KLF8: variants seen among roughly 807,000 people sequenced by gnomAD.
The protein encoded by KLF8 is KLF transcription factor 8.
A neutral mutation model predicts 18.2 loss-of-function variants in KLF8; 10 were observed. The ratio of observed to expected loss-of-function variants is 0.55; its 90% CI spans 0.34 to 0.93. The LOEUF (loss-of-function observed/expected upper bound fraction) is 0.93, where lower values mean the gene tolerates loss of function less well. Among genes scored for constraint, KLF8 ranks in the 40% least tolerant of loss-of-function variants. The probability of loss-of-function intolerance (pLI) is 0.02; values close to 1 mark genes in which losing one functional copy is unlikely to be tolerated. For synonymous variants in KLF8, 109 were observed against 97.3 expected (o/e 1.12, Z -0.71); for missense variants, 264 against 277.9 (o/e 0.95, Z 0.36).
chrX:56,157,495 C>T, the KLF8 span, among the ~76,000 whole-genome samples: 6 of 111,142 alleles, frequency 5.4e-5, no homozygotes, highest in Admixed American at 4.8e-4. Flanking sequence ...AACTAGTTTA[C>T]AGTCCCACCA....
the KLF8 span, among the ~76,000 whole-genome samples, chrX:56,216,513 G>GATTTATTTATTT: frequency 1.5e-3 from 136 of 91,090 alleles, 2 homozygotes; most frequent in Non-Finnish European, 1.8e-3. Flanking sequence ...TCTGGCTGCT[G>GATTTATTTATTT]ATTTATTTAT....
At chrX:56,053,955 C>G in the KLF8 span, among the ~76,000 whole-genome samples, 11 of 110,550 alleles carry the variant, frequency 1.0e-4, no homozygotes, top group Non-Finnish European at 2.1e-4. Context: ...AAAAAACCAA[C>G]TCCTTGAGTT....
the KLF8 span, among the ~76,000 whole-genome samples, chrX:56,171,017 G>T: frequency 7.4e-4 from 83 of 111,899 alleles, no homozygotes; most frequent in African/African-American, 2.6e-3. Flanking sequence ...AAGGACAAGA[G>T]AGTTCATTCT....
At chrX:56,180,951 G>A in the KLF8 span, among the ~76,000 whole-genome samples, 4 of 111,668 alleles carry the variant, frequency 3.6e-5, no homozygotes, top group Admixed American at 9.5e-5. Context: ...GATTTGGGGT[G>A]GAGAGTTCTG....
chrX:56,137,619 G>T, the KLF8 span, among the ~76,000 whole-genome samples: 1 of 74,395 alleles, frequency 1.3e-5, no homozygotes, highest in Admixed American at 1.8e-4. Context: ...GGGGGAGGGG[G>T]GAGGGATAGC....
the KLF8 span, among the ~76,000 whole-genome samples, chrX:56,050,321 T>C: frequency 9.0e-6 from 1 of 111,565 alleles, no homozygotes. Flanking sequence ...TTTTGAATGT[T>C]TTTGCTCTTG....
the KLF8 span, among the ~76,000 whole-genome samples, chrX:56,032,558 A>C: frequency 8.9e-6 from 1 of 111,826 alleles, no homozygotes; most frequent in Non-Finnish European, 1.9e-5. Flanking sequence ...GTTCATTATA[A>C]ACTGTTATAT....
At chrX:55,948,054 G>A in the KLF8 span, among the ~76,000 whole-genome samples, 4 of 112,067 alleles carry the variant, frequency 3.6e-5, no homozygotes, top group African/African-American at 9.7e-5. Flanking sequence ...GGTGCTGGAA[G>A]TTGGGAAGTA....
the KLF8 span, among the ~76,000 whole-genome samples, chrX:56,087,506 G>A: frequency 9.1e-6 from 1 of 110,443 alleles, no homozygotes; most frequent in Non-Finnish European, 1.9e-5. Context: ...ATGATTGTAT[G>A]TTTTCTGAGG....
the KLF8 span, among the ~76,000 whole-genome samples, chrX:56,167,459 A>G: frequency 8.9e-6 from 1 of 112,010 alleles, no homozygotes; most frequent in African/African-American, 3.2e-5. Context: ...GCTCTTCTCC[A>G]GTACGCTCTA....
chrX:56,081,853 A>T, the KLF8 span, among the ~76,000 whole-genome samples: 58,983 of 110,766 alleles, frequency 0.53, 13,780 homozygotes, highest in East Asian at 0.75. Context: ...TGTTGAATTC[A>T]ATTTACTAGT....
chrX:56,213,503 A>T, the KLF8 span, among the ~76,000 whole-genome samples: 1 of 106,719 alleles, frequency 9.4e-6, no homozygotes, highest in Admixed American at 1.0e-4. Flanking sequence ...TTGTATATTT[A>T]GTAGAGACAG....
chrX:56,136,885 A>G, the KLF8 span, among the ~76,000 whole-genome samples: 1 of 111,281 alleles, frequency 9.0e-6, no homozygotes, highest in African/African-American at 3.3e-5. Flanking sequence ...CAGAATTTAC[A>G]ATGAACTCAA....
the KLF8 span, among the ~76,000 whole-genome samples, chrX:56,030,104 C>T: frequency 1.8e-5 from 2 of 112,415 alleles, no homozygotes; most frequent in Admixed American, 1.9e-4. Context: ...CTCACACAGT[C>T]TTTCATAGAA....
intron 1 of KLF8, among the ~76,000 whole-genome samples, chrX:56,240,309 A>G (rs1701701188): frequency 8.9e-6 from 1 of 111,941 alleles, no homozygotes; most frequent in African/African-American, 3.2e-5. Flanking sequence ...TGAGTAGAAA[A>G]GTTATTCAAG....
At chrX:56,140,945 T>C in the KLF8 span, among the ~76,000 whole-genome samples, 1 of 111,240 alleles carries the variant, frequency 9.0e-6, no homozygotes, top group Non-Finnish European at 1.9e-5. Flanking sequence ...TAAAAACATC[T>C]CATTATTGTT....
In KLF8 at chrX:56,252,626, T is replaced by C. The variant is rs185404187; in HGVS notation, c.81+2322T>C. 3.6e-5 allele frequency among the ~76,000 whole-genome samples: 4 copies of C among 112,419 alleles called. No individual in the cohort carries two copies. The East Asian group carries it at 8.4e-4, about 24-fold the overall frequency. The stretch of plus-strand genomic sequence containing the variant: ...TTTTCTTTATCCATTCATCTGTTGA[T>C]GAATACTTAGGTTGCTTCCAAATCT... On this transcript the variant is annotated intron_variant, in intron 2 of 5. Coordinates refer to ENST00000468660, the MANE Select transcript of KLF8 (RefSeq NM_007250.5).
At chrX:55,993,986 C>G in the KLF8 span, among the ~76,000 whole-genome samples, 1 of 105,964 alleles carries the variant, frequency 9.4e-6, no homozygotes, top group African/African-American at 3.5e-5. Flanking sequence ...TCTCAGCTCA[C>G]TGCAACCTCC....
At chrX:56,046,696 A>C in the KLF8 span, among the ~76,000 whole-genome samples, 1 of 111,368 alleles carries the variant, frequency 9.0e-6, no homozygotes, top group Non-Finnish European at 1.9e-5. Context: ...TAAGGAGGCT[A>C]AACATAGGAC....
Sources: gnomAD v4.1 joint callset for allele counts (sites outside exome capture counted in the v4.1 genomes callset) on GRCh38, gnomAD v4.1.1 for gene constraint, MANE v1.5 for transcripts, NCBI Gene and HGNC (gene_info 2026-07-23, HGNC 2026-07-21) for gene names.